The following BCL9 variants were observed in gnomAD, a reference collection of about 807,000 sequenced individuals.
BCL9 encodes the protein B-cell CLL/lymphoma 9 protein.
BCL9 carries 25 observed loss-of-function variants against 88.5 expected under a neutral mutation model. The ratio of observed to expected loss-of-function variants is 0.28; its 90% CI spans 0.21 to 0.39. The LOEUF is 0.39. BCL9 is among the 10% of genes least tolerant of loss of function. BCL9 has a pLI of 1.00. For missense variants in BCL9, 1,817 were observed against 1,877.8 expected, an observed-to-expected ratio of 0.97 and a Z score of 0.60; for synonymous variants, 711 against 673.3, an observed-to-expected ratio of 1.06 and a Z score of -0.87.
At chr1:147,609,396 A>G (rs1296901429) in intron 3 of BCL9, among the ~76,000 whole-genome samples, 1 of 152,214 alleles carries the variant, frequency 6.6e-6, no homozygotes, top group Non-Finnish European at 1.5e-5. Context: ...GTGAACCCAC[A>G]TGCTTATTTC....
chr1:147,596,600 A>C (rs1426254432), intron 1 of BCL9, among the ~76,000 whole-genome samples: 3 of 151,580 alleles, frequency 2.0e-5, no homozygotes, highest in African/African-American at 7.3e-5. Context: ...TTTTTAGTAG[A>C]GACGGGGTTT....
intron 1 of BCL9, among the ~76,000 whole-genome samples, chr1:147,597,430 C>T (rs1570880152): frequency 6.6e-6 from 1 of 152,076 alleles, no homozygotes; most frequent in Admixed American, 6.6e-5. Context: ...GCATCAAAAT[C>T]CTTTATTTTT....
chr1:147,559,807 C>A (rs1655291654), intron 1 of BCL9, among the ~76,000 whole-genome samples: 1 of 152,156 alleles, frequency 6.6e-6, no homozygotes, highest in Non-Finnish European at 1.5e-5. Flanking sequence ...CCACTGACTT[C>A]TTTTAGAAAC....
At chr1:147,584,346 C>A (rs1374379806) in intron 1 of BCL9, among the ~76,000 whole-genome samples, 1 of 151,918 alleles carries the variant, frequency 6.6e-6, no homozygotes, top group African/African-American at 2.4e-5. Context: ...CGCACCCAGC[C>A]GGATTCATTT....
At chr1:147,609,925 C>T (rs1026470486) in intron 3 of BCL9, among the ~76,000 whole-genome samples, 17 of 152,122 alleles carry the variant, frequency 1.1e-4, no homozygotes, top group South Asian at 4.1e-4. Context: ...TTATTCAGTA[C>T]GACATGTGAT....
chr1:147,621,071 C>A lies in BCL9; in HGVS notation c.2902+14C>A. Reference sequence around the variant, plus strand: ...ATGTAGAGTCAGGTCAGTATGCTTGCATCCTCACAGTTGCACCTAGTAGCT... The same window carrying A: ...ATGTAGAGTCAGGTCAGTATGCTTGAATCCTCACAGTTGCACCTAGTAGCT... On this transcript the variant is annotated intron_variant, in intron 8 of 9. Transcript: ENST00000234739. The A allele has an allele frequency of 6.2e-7, 1 of 1,603,032 alleles. No homozygotes were observed. Among genetic ancestry groups the A allele is most frequent in the Non-Finnish European group, 8.5e-7 (1 of 1,174,812 alleles).
intron 7 of BCL9, among the ~76,000 whole-genome samples, chr1:147,617,072 C>G (rs587622739): frequency 6.6e-6 from 1 of 152,302 alleles, no homozygotes; most frequent in East Asian, 1.9e-4. Context: ...ATAAGCAGAG[C>G]TTAGGCCTTC....
chr1:147,622,467 C>T lies in BCL9; in HGVS notation c.3099C>T (p.Ala1033=), dbSNP rs782104568. 3 of 1,614,160 alleles carry T rather than the reference C, an allele frequency of 1.9e-6. No individual in the cohort carries two copies. In the South Asian group the frequency reaches 3.3e-5, roughly 18 times the overall value. Residue 1033 remains alanine (A), a synonymous_variant, in exon 9 of 10, where the codon GCC becomes GCT. Coordinates refer to ENST00000234739, the MANE Select transcript of BCL9 (RefSeq NM_004326.4). ...ACCATGATGCTATCAAGACTGTGGC[C>T]AGCTCAGATGACGACTCCCCTCCAG... is the stretch of plus-strand genomic sequence containing the variant. ...PLYHDAIKTV[A]SSDDDSPPAR...
At chr1:147,562,641 T>C (rs1024619905) in intron 1 of BCL9, among the ~76,000 whole-genome samples, 6 of 152,090 alleles carry the variant, frequency 3.9e-5, no homozygotes, top group African/African-American at 9.7e-5. Flanking sequence ...GAGGCTGACT[T>C]GATGGGATTT....
intron 7 of BCL9, 48 bp from the exon 8 acceptor site, chr1:147,618,768 C>T (rs1553204250): frequency 1.4e-6 from 2 of 1,458,996 alleles, no homozygotes; most frequent in African/African-American, 2.9e-5. Context: ...TTTAATTGCC[C>T]TTCTGTTCAG....
intron 1 of BCL9, among the ~76,000 whole-genome samples, chr1:147,566,058 A>G (rs914373503): frequency 6.6e-6 from 1 of 152,194 alleles, no homozygotes; most frequent in Admixed American, 6.5e-5. Context: ...GGCACAGTGT[A>G]CCTAACAGTT....
chr1:147,576,712 A>G (rs1656127334), intron 1 of BCL9, among the ~76,000 whole-genome samples: 1 of 152,136 alleles, frequency 6.6e-6, no homozygotes, highest in Non-Finnish European at 1.5e-5. Flanking sequence ...AATACCAGCA[A>G]TAAAGAAGCC....
intron 1 of BCL9, among the ~76,000 whole-genome samples, chr1:147,548,979 C>CTTTTTTTTTTTTTTTTTTT (rs72473603): frequency 5.4e-5 from 6 of 111,340 alleles, no homozygotes; most frequent in Non-Finnish European, 8.7e-5. Flanking sequence ...TTCTTTCTTT[C>CTTTTTTTTTTTTTTTTTTT]TTTTTTTTTT....
chr1:147,559,606 G>C (rs1164543246), intron 1 of BCL9, among the ~76,000 whole-genome samples: 1 of 152,162 alleles, frequency 6.6e-6, no homozygotes. Flanking sequence ...ACCCATTGTG[G>C]ATTACCTTGA....
chr1:147,560,230 C>T (rs370976930), intron 1 of BCL9, among the ~76,000 whole-genome samples: 121 of 152,244 alleles, frequency 7.9e-4, no homozygotes, highest in Middle Eastern at 3.4e-3. Context: ...CTCTCTCACA[C>T]TGAGGGACTG....
intron 1 of BCL9, among the ~76,000 whole-genome samples, chr1:147,563,800 C>G (rs1288222798): frequency 6.6e-6 from 1 of 152,216 alleles, no homozygotes; most frequent in Admixed American, 6.5e-5. Context: ...TTAACAACCA[C>G]TACTCATTAC....
intron 1 of BCL9, among the ~76,000 whole-genome samples, chr1:147,604,265 C>T (rs1451888364): frequency 2.6e-5 from 4 of 152,188 alleles, no homozygotes; most frequent in Admixed American, 6.5e-5. Flanking sequence ...ATCCACAGAC[C>T]TCTTGGGAGT....
chr1:147,608,372 C>CTTTTTTTTTTTTTTTTTTTTTTTTT (rs1657835889), intron 3 of BCL9, among the ~76,000 whole-genome samples: 1 of 132,166 alleles, frequency 7.6e-6, no homozygotes. Context: ...ATTCTACAGC[C>CTTTTTTTTTTTTTTTTTTTTTTTTT]TGTCTGAATG....
chr1:147,587,246 G>A (rs1227519609), intron 1 of BCL9, among the ~76,000 whole-genome samples: 1 of 146,344 alleles, frequency 6.8e-6, no homozygotes, highest in East Asian at 2.0e-4. Context: ...CCCAACGACA[G>A]TAGCTTACTT....
Sources: allele counts gnomAD v4.1 joint callset (sites outside exome capture counted in the v4.1 genomes callset), GRCh38; gene constraint gnomAD v4.1.1; transcripts MANE v1.5; gene names NCBI Gene and HGNC (gene_info 2026-07-23, HGNC 2026-07-21).